DNAAF9: variants seen among roughly 807,000 people sequenced by gnomAD.
DNAAF9 encodes the protein shulin.
DNAAF9 carries 90 observed loss-of-function variants against 167.0 expected under a neutral mutation model. The ratio of observed to expected loss-of-function variants is 0.54; its 90% confidence interval spans 0.45 to 0.64. DNAAF9 has a LOEUF of 0.64. Among genes scored for constraint, DNAAF9 ranks in the 30% least tolerant of loss-of-function variants. The pLI is 0.00. For missense variants in DNAAF9, 1,315 were observed against 1,442.2 expected (o/e 0.91, Z 1.43); for synonymous variants, 491 against 508.8 (o/e 0.96, Z 0.47).
chr20:3,346,093 T>C (rs547815760), intron 8 of DNAAF9, among the ~76,000 whole-genome samples: 144 of 152,320 alleles, frequency 9.5e-4, no homozygotes, highest in African/African-American at 3.4e-3. Flanking sequence ...TACAGAAATG[T>C]AAATTAAAAC....
intron 14 of DNAAF9, among the ~76,000 whole-genome samples, chr20:3,323,340 GGC>G (rs1217228222): frequency 7.1e-6 from 1 of 140,108 alleles, no homozygotes; most frequent in African/African-American, 2.7e-5. Context: ...GGAGTGCAGT[GGC>G]GCAATCTCGA....
At chr20:3,259,298 T>C (rs1410127853) in intron 33 of DNAAF9, among the ~76,000 whole-genome samples, 182 bp downstream of exon 33, 2 of 152,164 alleles carry the variant, frequency 1.3e-5, no homozygotes, top group Non-Finnish European at 2.9e-5. Context: ...CCAGACTAAG[T>C]AGGCCCTTGG....
In DNAAF9 at chr20:3,315,648, G is replaced by T; in HGVS notation, c.1590+87C>A. 1 of 1,008,788 alleles carries T rather than the reference G, an allele frequency of 9.9e-7. No homozygotes were observed. The highest frequency in any genetic ancestry group is 1.6e-6 in the Non-Finnish European group (1 of 629,550). 62.5% of individuals were successfully genotyped at this position (1,008,788 alleles called of 1,614,324 possible). A position where few individuals can be genotyped will look rare whatever the true frequency, so the allele number is the denominator to read the frequency against. On this transcript the variant is annotated intron_variant, in intron 19 of 36. Transcript: ENST00000252032. This position sits in a 1 kb window ranked among gnomAD's most constrained non-coding sequence, Gnocchi z 4.1. ...ATAGTGCAAGTCTTTTAGATTAGTA[G>T]TGAGATGAAGCATTTTAATACCTTT...
chr20:3,356,489 T>G (rs565612948), intron 7 of DNAAF9, among the ~76,000 whole-genome samples: 2 of 152,380 alleles, frequency 1.3e-5, no homozygotes, highest in East Asian at 3.9e-4. Context: ...TTAATTAACC[T>G]TTAACCAAAT....
intron 30 of DNAAF9, among the ~76,000 whole-genome samples, 177 bp from the exon 31 acceptor site, chr20:3,264,701 C>A (rs919578256): frequency 6.6e-6 from 1 of 152,152 alleles, no homozygotes. Flanking sequence ...TCCTGAGTAG[C>A]GGGGACTACA....
intron 28 of DNAAF9, among the ~76,000 whole-genome samples, chr20:3,280,184 CAG>C (rs1194363799): frequency 1.3e-5 from 2 of 152,160 alleles, no homozygotes; most frequent in Admixed American, 1.3e-4. Flanking sequence ...ACAGCCACAC[CAG>C]AGTCTCCCAA....
At chr20:3,291,367 C>T (rs1320351282) in intron 25 of DNAAF9, among the ~76,000 whole-genome samples, 11 of 138,962 alleles carry the variant, frequency 7.9e-5, no homozygotes, top group African/African-American at 2.4e-4. Flanking sequence ...TTTTTTGAGA[C>T]GGAGTCTCGC....
At position 3,290,210 on chromosome 20, in the gene DNAAF9, A is replaced by G; in HGVS notation, c.2246T>C (p.Ile749Thr). The change falls in exon 26 of 37, where the codon ATC becomes ACC. Residue 749 changes from isoleucine (I) to threonine (T), a missense_variant. Ile to Thr is a moderately conservative substitution (Grantham distance 89). Transcript: ENST00000252032. ...GCCTGGGAGGCCGGTTACAATGCTG[A>G]TAATTACCTACATGAAGAAAAAGTC... ...THRIESDKVIISIVTGLPGCH... is the reference protein window; with the variant it reads ...THRIESDKVITSIVTGLPGCH... 5.6e-6 allele frequency: 9 copies of G among 1,603,614 alleles called. No homozygotes were observed. The highest frequency in any genetic ancestry group is 6.8e-6 in the Non-Finnish European group (8 of 1,170,332).
chr20:3,382,568 T>A, intron 1 of DNAAF9, 62 bp from the exon 2 acceptor site: 7 of 1,284,336 alleles, frequency 5.5e-6, no homozygotes, highest in Non-Finnish European at 7.9e-6. Flanking sequence ...AAGAGCAGCA[T>A]CCTGTGTCCC....
intron 31 of DNAAF9, among the ~76,000 whole-genome samples, chr20:3,262,805 A>C (rs1275410760): frequency 6.6e-6 from 1 of 152,084 alleles, no homozygotes; most frequent in Non-Finnish European, 1.5e-5. Context: ...CTAAGATATC[A>C]TTATCTTGTT....
intron 29 of DNAAF9, among the ~76,000 whole-genome samples, chr20:3,273,604 A>AT (rs2068630232): frequency 2.7e-5 from 1 of 36,838 alleles, no homozygotes; most frequent in Admixed American, 3.0e-4. Context: ...CTGTGAACTC[A>AT]AGAGTAAGAA....
intron 31 of DNAAF9, among the ~76,000 whole-genome samples, chr20:3,262,102 G>C (rs2068400651): frequency 6.6e-6 from 1 of 152,046 alleles, no homozygotes; most frequent in Non-Finnish European, 1.5e-5. Context: ...ATGAGTAGGA[G>C]ACTGATGACT....
chr20:3,326,151 C>T lies in DNAAF9; in HGVS notation c.1188+46G>A, dbSNP rs779913044. The T allele has an allele frequency of 3.0e-6, 4 of 1,332,312 alleles. No homozygotes were observed. The Admixed American group carries it at 5.1e-5, about 17-fold the overall frequency. 82.5% of individuals were successfully genotyped at this position (1,332,312 alleles called of 1,614,324 possible). A position where few individuals can be genotyped will look rare whatever the true frequency, so the allele number is the denominator to read the frequency against. On this transcript the variant is annotated intron_variant, in intron 13 of 36. Transcript: ENST00000252032. ...AGAAACACATGGATAGAATGTTTTA[C>T]ATTAAAATAATAATTACAGAAAGGG...
chr20:3,344,756 A>G (rs1395476479), intron 8 of DNAAF9, among the ~76,000 whole-genome samples: 2 of 152,140 alleles, frequency 1.3e-5, no homozygotes, highest in Non-Finnish European at 2.9e-5. Flanking sequence ...TTGTTTTTTA[A>G]GTTCTATCCA....
At chr20:3,374,899 G>C (rs549397566) in intron 5 of DNAAF9, 131 bp downstream of exon 5, 128 of 634,756 alleles carry the variant, frequency 2.0e-4, no homozygotes, top group Admixed American at 1.2e-3. Context: ...ACTTAATTCT[G>C]CTTGATGTCT....
intron 12 of DNAAF9, among the ~76,000 whole-genome samples, chr20:3,330,153 T>C (rs927303807): frequency 1.3e-5 from 2 of 152,236 alleles, no homozygotes; most frequent in African/African-American, 4.8e-5. Context: ...GAAGAGCAGA[T>C]GGCAAAGCTG....
At chr20:3,262,587 C>T (rs1288839048) in intron 31 of DNAAF9, among the ~76,000 whole-genome samples, 3 of 152,116 alleles carry the variant, frequency 2.0e-5, no homozygotes, top group Non-Finnish European at 4.4e-5. Flanking sequence ...TTACCCTACT[C>T]TCTCCTGGAT....
chr20:3,353,958 T>C (rs1410738544), intron 7 of DNAAF9, among the ~76,000 whole-genome samples: 1 of 152,212 alleles, frequency 6.6e-6, no homozygotes, highest in Non-Finnish European at 1.5e-5. Flanking sequence ...GTGCTGCTTT[T>C]AGCTCCATGC....
At chr20:3,257,137 G>C (rs1240484217) in intron 33 of DNAAF9, among the ~76,000 whole-genome samples, 1 of 152,166 alleles carries the variant, frequency 6.6e-6, no homozygotes, top group East Asian at 1.9e-4. Flanking sequence ...GTGGGCAAGG[G>C]CTCCCTGAAA....
Sources: gnomAD v4.1 joint callset for allele counts (sites outside exome capture counted in the v4.1 genomes callset) on GRCh38, gnomAD v4.1.1 for gene constraint, Gnocchi (gnomAD v3.1) non-coding constraint, MANE v1.5 for transcripts, NCBI Gene and HGNC (gene_info 2026-07-23, HGNC 2026-07-21) for gene names.